The following YBX1 variants were observed in gnomAD, a reference collection of about 807,000 sequenced individuals.
YBX1 encodes the protein Y-box binding protein 1.
In YBX1, 3 loss-of-function variants were observed where a neutral mutation model predicts 41.4. That is an observed-to-expected ratio of 0.07 (90% CI 0.03 to 0.19). YBX1 has a LOEUF of 0.19. Ranked by LOEUF, YBX1 falls within the 10% of genes least tolerant of loss-of-function variation. The pLI is 1.00. For synonymous variants in YBX1, 133 were observed against 165.8 expected, an observed-to-expected ratio of 0.80 and a Z score of 1.52; for missense variants, 274 against 462.8, an observed-to-expected ratio of 0.59 and a Z score of 3.74.
intron 2 of YBX1, 125 bp from the exon 3 acceptor site, chr1:42,693,365 T>G: frequency 9.5e-7 from 1 of 1,052,066 alleles, no homozygotes; most frequent in African/African-American, 1.6e-5. Flanking sequence ...TGGCTTGTGT[T>G]TTTTGATTTT....
intron 2 of YBX1, among the ~76,000 whole-genome samples, chr1:42,691,596 T>C (rs1338978700): frequency 1.3e-5 from 2 of 152,102 alleles, no homozygotes; most frequent in Non-Finnish European, 2.9e-5. Context: ...TAACAAACAG[T>C]CAGAGCCACC....
intron 2 of YBX1, among the ~76,000 whole-genome samples, chr1:42,688,813 C>T (rs905106475): frequency 1.3e-5 from 2 of 152,188 alleles, no homozygotes; most frequent in African/African-American, 4.8e-5. Context: ...GACAGATGTA[C>T]ACTTACCGTA....
intron 2 of YBX1, among the ~76,000 whole-genome samples, chr1:42,683,709 A>T (rs1206957577): frequency 6.6e-6 from 1 of 152,254 alleles, no homozygotes; most frequent in Non-Finnish European, 1.5e-5. Context: ...GCTTCGTCAC[A>T]GTACAAAGCA....
At position 42,703,546 on chromosome 1, in the gene YBX1, G is replaced by C. The variant is rs1049444515; in HGVS notation, c.*1597G>C. Among the ~76,000 whole-genome samples, 1 of 152,130 alleles carries C rather than the reference G, an allele frequency of 6.6e-6. No homozygotes were observed. Among genetic ancestry groups the C allele is most frequent in the African/African-American group, 2.4e-5 (1 of 41,412 alleles). Reference sequence around the variant, plus strand: ...AAGTGAGTTAGCCTATTTCTTGCTGGTGTTCATGAAAATACTGTGTTGGCA... The same window carrying C: ...AAGTGAGTTAGCCTATTTCTTGCTGCTGTTCATGAAAATACTGTGTTGGCA... On this transcript the variant is annotated 3_prime_UTR_variant, in exon 8 of 8. Coordinates refer to ENST00000321358, the MANE Select transcript of YBX1 (RefSeq NM_004559.5).
chr1:42,688,363 C>T (rs1419620360), intron 2 of YBX1, among the ~76,000 whole-genome samples: 1 of 152,152 alleles, frequency 6.6e-6, no homozygotes, highest in Non-Finnish European at 1.5e-5. Flanking sequence ...AGATACTAGT[C>T]TGTTTTATTA....
intron 1 of YBX1, chr1:42,683,127 C>T (rs1478728018): frequency 1.1e-5 from 7 of 614,472 alleles, no homozygotes; most frequent in South Asian, 3.2e-5. Flanking sequence ...GCCGGAGCGG[C>T]TTCCCCTTCC....
intron 1 of YBX1, chr1:42,683,141 A>T: frequency 4.8e-6 from 3 of 627,538 alleles, no homozygotes; most frequent in East Asian, 3.4e-5. Context: ...CCCTTCCCTC[A>T]CGTGCTCTCC....
chr1:42,700,601 A>C (rs1429252003), intron 6 of YBX1, among the ~76,000 whole-genome samples, 180 bp from the exon 7 acceptor site: 142 of 80,828 alleles, frequency 1.8e-3, no homozygotes, highest in South Asian at 2.7e-3. Context: ...TCTTCCCCCT[A>C]CTCAGCATCC....
chr1:42,693,622 C>T (rs1570420625), intron 3 of YBX1, 99 bp downstream of exon 3: 3 of 1,263,564 alleles, frequency 2.4e-6, no homozygotes, highest in Non-Finnish European at 3.4e-6. Context: ...AAGGTTAAGT[C>T]CAACCACCAG....
chr1:42,692,208 T>C (rs1422947419), intron 2 of YBX1, among the ~76,000 whole-genome samples: 1 of 152,252 alleles, frequency 6.6e-6, no homozygotes, highest in Non-Finnish European at 1.5e-5. Flanking sequence ...TGTATTTGCC[T>C]TTCTTACTCT....
chr1:42,700,191 A>G (rs1398929321), intron 6 of YBX1, among the ~76,000 whole-genome samples: 3 of 152,204 alleles, frequency 2.0e-5, no homozygotes, highest in African/African-American at 7.2e-5. Flanking sequence ...ATTTATTCCC[A>G]TGATGACTCA....
intron 2 of YBX1, among the ~76,000 whole-genome samples, chr1:42,684,606 ATCTAT>A (rs2148734918): frequency 6.6e-6 from 1 of 152,306 alleles, no homozygotes; most frequent in African/African-American, 2.4e-5. Flanking sequence ...GCATTTGGTG[ATCTAT>A]TCTCTACTTT....
rs754231055 is a variant in YBX1 at position 42,696,901 on chromosome 1, G to A, written c.614G>A (p.Arg205Gln). The change falls in exon 5 of 8, where the codon CGA becomes CAA. Residue 205 changes from arginine to glutamine, a missense_variant. Transcript: ENST00000321358. The surrounding 1 kb of genome is among the most constrained non-coding windows in gnomAD (Gnocchi z 5.7). ...TACATGCGGAGACCCTATGGGCGTC[G>A]ACCACAGTATTCCAACCCTCCTGTG... ...PYYMRRPYGR[R>Q]PQYSNPPVQG... 3.1e-5 allele frequency: 48 copies of A among 1,572,634 alleles called. No homozygotes were observed. The highest frequency in any genetic ancestry group is 4.1e-5 in the Non-Finnish European group (47 of 1,158,292).
Position 42,696,522 on chromosome 1 carries a change from C to CCT in YBX1, c.355-120_355-119insCT, listed in dbSNP as rs1553135733. On this transcript the variant is annotated intron_variant, in intron 4 of 7. Coordinates refer to ENST00000321358, the MANE Select transcript of YBX1 (RefSeq NM_004559.5). This position sits in a 1 kb window ranked among gnomAD's most constrained non-coding sequence, Gnocchi z 5.7. ...GGTCACGCAGTTGCGCCCCCCCCCC[C>CCT]TTTTTTTTCCTTAACTTTGTTGTTT... 309 of 637,382 alleles carry CCT rather than the reference C, an allele frequency of 4.8e-4. No homozygotes were observed. The highest frequency in any genetic ancestry group is 1.2e-3 in the South Asian group (40 of 32,974). 39.5% of individuals were successfully genotyped at this position (637,382 alleles called of 1,614,324 possible). A position where few individuals can be genotyped will look rare whatever the true frequency, so the allele number is the denominator to read the frequency against.
rs1299603180 is a variant in YBX1, at chr1:42,682,729, T to C, written c.164T>C (p.Ile55Thr). The change falls in exon 1 of 8, where the codon ATC (isoleucine) becomes ACC (threonine). Residue 55 changes from isoleucine (I) to threonine (T), a missense_variant and splice_region_variant. Physicochemically the swap from Ile to Thr is moderately conservative, Grantham distance 89. Coordinates refer to ENST00000321358, the MANE Select transcript of YBX1 (RefSeq NM_004559.5). ...AAPAGGDKKV[I>T]ATKVLGTVKW... ...CCTGCCGGCGGGGACAAGAAGGTCATCGGTGAGGACCGGACAGGGACGGGG... is the reference window on the plus strand; with the variant it reads ...CCTGCCGGCGGGGACAAGAAGGTCACCGGTGAGGACCGGACAGGGACGGGG... 8.1e-7 allele frequency: 1 copy of C among 1,236,796 alleles called. No homozygotes were observed. Among genetic ancestry groups the C allele is most frequent in the African/African-American group, 1.6e-5 (1 of 63,028 alleles). 76.6% of individuals were successfully genotyped at this position (1,236,796 alleles called of 1,614,324 possible). A position where few individuals can be genotyped will look rare whatever the true frequency, so the allele number is the denominator to read the frequency against.
At chr1:42,686,945 A>G (rs1650211442) in intron 2 of YBX1, among the ~76,000 whole-genome samples, 1 of 152,084 alleles carries the variant, frequency 6.6e-6, no homozygotes, top group Admixed American at 6.5e-5. Context: ...AGCCATTTTC[A>G]ATTTGGTTGT....
At chr1:42,694,991 T>C (rs1650425963) in intron 3 of YBX1, among the ~76,000 whole-genome samples, 2 of 152,174 alleles carry the variant, frequency 1.3e-5, no homozygotes, top group African/African-American at 4.8e-5. Context: ...AATTCTGCTA[T>C]CCCCTATGAC....
chr1:42,699,021 ATAG>A (rs1232056470), intron 6 of YBX1, among the ~76,000 whole-genome samples: 3 of 152,170 alleles, frequency 2.0e-5, no homozygotes, highest in African/African-American at 7.2e-5. Context: ...AATGAGACTA[ATAG>A]TAGTAAGGGG....
At position 42,695,787 on chromosome 1, in the gene YBX1, G is replaced by A. The variant is rs75307152; in HGVS notation, c.265-412G>A. ...CAAAGTTGGTTTGGTCAGCTTTGAA[G>A]CATGCAAAACCAAACTCGCCTGTCA... On this transcript the variant is annotated intron_variant, in intron 3 of 7. Coordinates refer to ENST00000321358, the MANE Select transcript of YBX1 (RefSeq NM_004559.5). 9.1e-3 allele frequency among the ~76,000 whole-genome samples: 1,384 copies of A among 152,352 alleles called. 3 individuals carry two copies. Among genetic ancestry groups the A allele is most frequent in the Non-Finnish European group, 0.014 (983 of 68,022 alleles).
Sources: allele counts gnomAD v4.1 joint callset (sites outside exome capture counted in the v4.1 genomes callset), GRCh38; gene constraint gnomAD v4.1.1; non-coding constraint Gnocchi (gnomAD v3.1); transcripts MANE v1.5; gene names NCBI Gene and HGNC (gene_info 2026-07-23, HGNC 2026-07-21).